Variants in MUC5B observed in about 807,000 individuals in gnomAD.
MUC5B encodes the protein mucin-5B.
In MUC5B, 116 loss-of-function variants were observed where a neutral mutation model predicts 376.9. That is an observed-to-expected ratio of 0.31 (90% CI 0.26 to 0.36). The LOEUF is 0.36. MUC5B is among the 10% of genes least tolerant of loss of function. The pLI is 1.00. For synonymous variants in MUC5B, 3,517 were observed against 3,390.9 expected (o/e 1.04, Z -1.29); for missense variants, 7,165 against 7,769.9 (o/e 0.92, Z 2.93).
rs960245018 is a variant in MUC5B at position 1,258,025 on chromosome 11, C to T, written c.16451-74C>T. On this transcript the variant is annotated intron_variant, in intron 41 of 48. Transcript: ENST00000529681. The surrounding 1 kb of genome is among the most constrained non-coding windows in gnomAD (Gnocchi z 5.5). ...AGGTCCTCGGGGAAAAGCACGCCTG[C>T]GACTTACTCTGGGAACAAGTGGTCG... 33 of 1,415,976 alleles carry T rather than the reference C, an allele frequency of 2.3e-5. No individual in the cohort carries two copies. In the African/African-American group the frequency reaches 2.7e-4, roughly 12 times the overall value. The allele number at this position is 1,415,976 out of a possible 1,614,324, so 87.7% of individuals were successfully genotyped here.
rs779677947 is a variant in MUC5B, at chr11:1,237,075, C to T, written c.3208C>T (p.Pro1070Ser). The T allele has an allele frequency of 6.4e-7, 1 of 1,571,906 alleles. No individual in the cohort carries two copies. The highest frequency in any genetic ancestry group is 8.6e-7 in the Non-Finnish European group (1 of 1,157,214). Residue 1070 changes from proline to serine, a missense_variant, in exon 25 of 49, where the codon CCC becomes TCC. By Grantham distance (74) the Pro-to-Ser change is moderately conservative. Transcript: ENST00000529681. The stretch of plus-strand genomic sequence containing the variant: ...CCCGGACGCCCTGGCACCCAAGGAC[C>T]CCTGCACGGCCAACCCCTTCCGCAA... Reference protein sequence around the residue: ...SCPDALAPKDPCTANPFRKSW... With the variant: ...SCPDALAPKDSCTANPFRKSW...
At chr11:1,251,946 A>G (rs537987227) in intron 31 of MUC5B, among the ~76,000 whole-genome samples, 68 of 144,076 alleles carry the variant, frequency 4.7e-4, no homozygotes, top group African/African-American at 1.7e-3. Flanking sequence ...ACTGGCCACA[A>G]TCAGTCCCCA....
At chr11:1,229,129 A>G in intron 8 of MUC5B, 41 bp from the exon 9 acceptor site, 1 of 1,536,152 alleles carries the variant, frequency 6.5e-7, no homozygotes, top group Non-Finnish European at 8.7e-7. Flanking sequence ...CGGGCAGTAC[A>G]GGGCCCTTCC....
Position 1,232,447 on chromosome 11 carries a change from C to T in MUC5B, c.1844-3C>T, listed in dbSNP as rs1191113590. 3.1e-6 allele frequency: 5 copies of T among 1,602,454 alleles called. No individual in the cohort carries two copies. The highest frequency in any genetic ancestry group is 1.7e-4 in the Middle Eastern group (1 of 6,052). On this transcript the variant is annotated splice_polypyrimidine_tract_variant and splice_region_variant and intron_variant, in intron 15 of 48. Coordinates refer to ENST00000529681, the MANE Select transcript of MUC5B (RefSeq NM_002458.3). ...TGGAGATGAGGTCAGGTCTTCCCCA[C>T]AGAGAACTACGCCCGGCACTGGTGC... is the stretch of plus-strand genomic sequence containing the variant.
chr11:1,235,061 A>T, intron 21 of MUC5B, 24 bp from the exon 22 acceptor site: 2 of 1,600,038 alleles, frequency 1.2e-6, no homozygotes, highest in Non-Finnish European at 1.7e-6. Flanking sequence ...CCCTGTGAGC[A>T]GGCACCATTG....
chr11:1,240,015 G>A, intron 28 of MUC5B, 30 bp from the exon 29 acceptor site: 4 of 1,593,790 alleles, frequency 2.5e-6, no homozygotes, highest in Non-Finnish European at 2.6e-6. Context: ...TGCCCCCCAG[G>A]CCCTCAGCTC....
chr11:1,235,478 C>T (rs1440254623), intron 23 of MUC5B, 65 bp downstream of exon 23: 4 of 1,362,464 alleles, frequency 2.9e-6, no homozygotes, highest in Non-Finnish European at 3.1e-6. Context: ...CCCAGGGAAG[C>T]TTCGTGAGGC....
At chr11:1,239,069 T>C (rs1238601314) in intron 26 of MUC5B, 42 bp downstream of exon 26, 3 of 1,556,470 alleles carry the variant, frequency 1.9e-6, no homozygotes, top group Non-Finnish European at 1.7e-6. Flanking sequence ...GTGGAGCTGC[T>C]GGGGCAGGGG....
In MUC5B at chr11:1,247,293, G is replaced by T. The variant is rs201686842; in HGVS notation, c.10413G>T (p.Trp3471Cys). ...PSSPHTVRTA[W>C]TSATSGILGT... is the part of the protein sequence containing the mutation. ...GTCCCCACACGGTGCGCACAGCCTGGACTTCGGCCACCTCGGGCATCTTGG... is the reference window on the plus strand; with the variant it reads ...GTCCCCACACGGTGCGCACAGCCTGTACTTCGGCCACCTCGGGCATCTTGG... The change falls in exon 31 of 49, where the codon TGG becomes TGT. Residue 3471 changes from tryptophan (W) to cysteine (C), a missense_variant. Around this residue, in one of 31 missense-constraint regions of MUC5B, gnomAD observed 939 missense variants for 770.6 expected, o/e 1.22. Transcript: ENST00000529681. 1.2e-6 allele frequency: 2 copies of T among 1,611,488 alleles called. No homozygotes were observed. Among genetic ancestry groups the T allele is most frequent in the Admixed American group, 3.3e-5 (2 of 59,962 alleles).
In MUC5B at chr11:1,244,257, A is replaced by C; in HGVS notation, c.7377A>C (p.Pro2459=). ...CCACGGCCACCCCGTCCTCCACCCC[A>C]GGGACCACCTGGATCCTCACAGAGC... The part of the protein sequence containing the change: ...TGSTATPSST[P]GTTWILTEPS... Residue 2459 remains proline, a synonymous_variant, in exon 31 of 49, where the codon CCA becomes CCC. Coordinates refer to ENST00000529681, the MANE Select transcript of MUC5B (RefSeq NM_002458.3). 6.2e-7 allele frequency: 1 copy of C among 1,608,848 alleles called. No individual in the cohort carries two copies. Among genetic ancestry groups the C allele is most frequent in the Non-Finnish European group, 8.5e-7 (1 of 1,177,910 alleles).
chr11:1,236,836 G>T (rs2133818443), intron 24 of MUC5B, 89 bp from the exon 25 acceptor site: 4 of 1,384,568 alleles, frequency 2.9e-6, no homozygotes, highest in Non-Finnish European at 3.8e-6. Context: ...TCCCCCGAGG[G>T]CTCTGGAGCC....
Position 1,259,081 on chromosome 11 carries a change from C to A in MUC5B, c.16713+20C>A. The A allele has an allele frequency of 1.3e-6, 2 of 1,541,052 alleles. No individual in the cohort carries two copies. The highest frequency in any genetic ancestry group is 1.7e-6 in the Non-Finnish European group (2 of 1,143,924). On this transcript the variant is annotated intron_variant, in intron 44 of 48. Coordinates refer to ENST00000529681, the MANE Select transcript of MUC5B (RefSeq NM_002458.3). ...CCCCAGGTGAGACCCGAGGCACCTG[C>A]CCCCAGGTGAGCCCCCGAGGCACCT... is the stretch of plus-strand genomic sequence containing the variant.
At position 1,232,451 on chromosome 11, in the gene MUC5B, G is replaced by A; in HGVS notation, c.1845G>A (p.Glu615=). 6.2e-7 allele frequency: 1 copy of A among 1,604,046 alleles called. No homozygotes were observed. Among genetic ancestry groups the A allele is most frequent in the Non-Finnish European group, 8.5e-7 (1 of 1,176,270 alleles). ...GATGAGGTCAGGTCTTCCCCACAGA[G>A]AACTACGCCCGGCACTGGTGCTCGC... ...EDPCSLSVEN[E]NYARHWCSRL... is the part of the protein sequence containing the mutation. The change falls in exon 16 of 49, where the codon GAG becomes GAA. Residue 615 remains glutamate, a splice_region_variant and synonymous_variant. Transcript: ENST00000529681.
chr11:1,230,591 CG>C lies in MUC5B; in HGVS notation c.1465del (p.Asp489ThrfsTer137). The C allele has an allele frequency of 6.2e-7, 1 of 1,607,742 alleles. No individual in the cohort carries two copies. The highest frequency in any genetic ancestry group is 8.5e-7 in the Non-Finnish European group (1 of 1,177,354). ...LKAVTLSLDG[G>X]DTAIRVQADG... ...AAGCGGTGACGCTCAGCCTGGACGG[CG>C]GGGACACGGTGAGGACCTGGCTGGG... is the stretch of plus-strand genomic sequence containing the variant. On this transcript the variant is annotated frameshift_variant, in exon 12 of 49. Transcript: ENST00000529681. LOFTEE classifies it high-confidence loss of function.
rs548831566 is a variant in MUC5B, at chr11:1,249,815, C to T, written c.12935C>T (p.Thr4312Ile). 6.2e-7 allele frequency: 1 copy of T among 1,613,554 alleles called. No individual in the cohort carries two copies. Among genetic ancestry groups the T allele is most frequent in the Admixed American group, 1.7e-5 (1 of 60,006 alleles). ...ACTGCAACCACCCTTCCAGTGCTGA[C>T]AAGCACAGCCACCAAATCCACAGCT... The part of the protein sequence containing the change: ...PRTATTLPVL[T>I]STATKSTATS... The change falls in exon 31 of 49, where the codon ACA becomes ATA. Residue 4312 changes from threonine to isoleucine, a missense_variant. Thr to Ile is a moderately conservative substitution (Grantham distance 89). This residue lies in a region of MUC5B where 431 missense variants were observed against 390.4 expected (regional missense o/e 1.10). Coordinates refer to ENST00000529681, the MANE Select transcript of MUC5B (RefSeq NM_002458.3).
rs892352931 is a variant in MUC5B, at chr11:1,253,970, G to A, written c.15218-122G>A. ...CATTTTTATAGACGAGGCAGCTGAG[G>A]CCCCAGGGGCTTCAGTGGCTCCCCA... On this transcript the variant is annotated intron_variant, in intron 33 of 48. Transcript: ENST00000529681. This position sits in a 1 kb window ranked among gnomAD's most constrained non-coding sequence, Gnocchi z 4.3. 8 of 1,376,994 alleles carry A rather than the reference G, an allele frequency of 5.8e-6. No homozygotes were observed. The highest frequency in any genetic ancestry group is 7.8e-6 in the Non-Finnish European group (8 of 1,023,144). The allele number at this position is 1,376,994 out of a possible 1,614,324, so 85.3% of individuals were successfully genotyped here. A position where few individuals can be genotyped will look rare whatever the true frequency, so the allele number is the denominator to read the frequency against.
At position 1,239,890 on chromosome 11, in the gene MUC5B, A is replaced by G. The variant is rs767697099; in HGVS notation, c.3675A>G (p.Gly1225=). Residue 1225 remains glycine, a synonymous_variant, in exon 28 of 49, where the codon GGA becomes GGG. Coordinates refer to ENST00000529681, the MANE Select transcript of MUC5B (RefSeq NM_002458.3). Reference sequence around the variant, plus strand: ...AGTGTGGCTGCTACGACAAGGACGGAAACTACTATGACGTCGGTGCAAGGG... The same window carrying G: ...AGTGTGGCTGCTACGACAAGGACGGGAACTACTATGACGTCGGTGCAAGGG... The part of the protein sequence containing the change: ...VAQCGCYDKD[G]NYYDVGARVP... The G allele has an allele frequency of 8.1e-6, 13 of 1,613,272 alleles. No individual in the cohort carries two copies. Among genetic ancestry groups the G allele is most frequent in the Middle Eastern group, 1.6e-4 (1 of 6,078 alleles).
In MUC5B at chr11:1,240,201, A is replaced by G. The variant is rs919078879; in HGVS notation, c.3796A>G (p.Arg1266Gly). The change falls in exon 30 of 49, where the codon AGG becomes GGG. Residue 1266 changes from arginine to glycine, a missense_variant. Coordinates refer to ENST00000529681, the MANE Select transcript of MUC5B (RefSeq NM_002458.3). ...LEACTCTYED[R>G]TYSYQDVIYN... ...AGCCTGCACCTGCACCTATGAGGAC[A>G]GGACCTACAGCTACCAGGACGTCAT... The G allele has an allele frequency of 6.2e-7, 1 of 1,608,998 alleles. No individual in the cohort carries two copies. Among genetic ancestry groups the G allele is most frequent in the Non-Finnish European group, 8.5e-7 (1 of 1,176,426 alleles).
Position 1,257,388 on chromosome 11 carries a change from T to A in MUC5B, c.16269+117T>A. On this transcript the variant is annotated intron_variant, in intron 40 of 48. Coordinates refer to ENST00000529681, the MANE Select transcript of MUC5B (RefSeq NM_002458.3). This position sits in a 1 kb window ranked among gnomAD's most constrained non-coding sequence, Gnocchi z 8.9. ...GGGGCGCCCGAGTGTGACGTGGACGTGCCAGTGGCTGGTGTGCGCTTCCTG... is the reference window on the plus strand; with the variant it reads ...GGGGCGCCCGAGTGTGACGTGGACGAGCCAGTGGCTGGTGTGCGCTTCCTG... 1.0e-6 allele frequency: 1 copy of A among 1,000,052 alleles called. No homozygotes were observed. Among genetic ancestry groups the A allele is most frequent in the Non-Finnish European group, 1.6e-6 (1 of 636,974 alleles). 61.9% of individuals were successfully genotyped at this position (1,000,052 alleles called of 1,614,324 possible). A position where few individuals can be genotyped will look rare whatever the true frequency, so the allele number is the denominator to read the frequency against.
Sources: gnomAD v4.1 joint callset for allele counts (sites outside exome capture counted in the v4.1 genomes callset) on GRCh38, gnomAD v4.1.1 for gene constraint, gnomAD v4.1.1 regional missense constraint, Gnocchi (gnomAD v3.1) non-coding constraint, MANE v1.5 for transcripts, NCBI Gene and HGNC (gene_info 2026-07-23, HGNC 2026-07-21) for gene names.